Variants in SH3GL2 observed in about 807,000 individuals in gnomAD.
SH3GL2 encodes the protein endophilin-A1.
SH3GL2 carries 24 observed loss-of-function variants against 46.0 expected under a neutral mutation model. That is an observed-to-expected ratio of 0.52 (90% CI 0.38 to 0.73). The LOEUF is 0.73. Among genes scored for constraint, SH3GL2 ranks in the 30% least tolerant of loss-of-function variants. The pLI, the probability that SH3GL2 is intolerant of heterozygous loss-of-function variation, is 0.00. For missense variants in SH3GL2, 413 were observed against 424.2 expected (o/e 0.97, Z 0.23); for synonymous variants, 196 against 147.1 (o/e 1.33, Z -2.40).
chr9:17,733,139 C>G (rs979369870), intron 1 of SH3GL2, among the ~76,000 whole-genome samples: 1 of 152,118 alleles, frequency 6.6e-6, no homozygotes, highest in Admixed American at 6.6e-5. Flanking sequence ...CAGACCTCCT[C>G]TTTCCTACAA....
At chr9:17,728,417 C>G (rs1033989264) in intron 1 of SH3GL2, among the ~76,000 whole-genome samples, 12 of 151,980 alleles carry the variant, frequency 7.9e-5, no homozygotes, top group African/African-American at 2.9e-4. Context: ...CTAAAACCTT[C>G]TACTTACAGA....
chr9:17,733,260 A>T (rs527594472), intron 1 of SH3GL2, among the ~76,000 whole-genome samples: 10 of 151,586 alleles, frequency 6.6e-5, no homozygotes, highest in Admixed American at 1.3e-4. Context: ...CTTTTTTTAA[A>T]TTTTTTTTAT....
At chr9:17,653,657 A>G (rs1292641079) in intron 1 of SH3GL2, among the ~76,000 whole-genome samples, 1 of 152,158 alleles carries the variant, frequency 6.6e-6, no homozygotes, top group Admixed American at 6.6e-5. Flanking sequence ...AGGGCCTTTA[A>G]AAGGTGATTA....
chr9:17,762,400 A>T (rs1323495133), intron 3 of SH3GL2, among the ~76,000 whole-genome samples: 1,811 of 14,590 alleles, frequency 0.12, 37 homozygotes, highest in African/African-American at 0.28. Flanking sequence ...ACAAGTGATC[A>T]AAAAAAAAAA....
At chr9:17,717,459 A>G (rs1388102129) in intron 1 of SH3GL2, among the ~76,000 whole-genome samples, 4 of 151,244 alleles carry the variant, frequency 2.6e-5, no homozygotes, top group Non-Finnish European at 5.9e-5. Context: ...TTCCCAAGTC[A>G]TCTCCCAGAG....
At chr9:17,718,124 T>C (rs977666234) in intron 1 of SH3GL2, among the ~76,000 whole-genome samples, 3 of 152,162 alleles carry the variant, frequency 2.0e-5, no homozygotes, top group Non-Finnish European at 4.4e-5. Flanking sequence ...AGTAGGACTT[T>C]ACAACTCCAG....
Position 17,645,151 on chromosome 9 carries a change from C to CTTTTT in SH3GL2, c.45+65891_45+65895dup, listed in dbSNP as rs57611978. On this transcript the variant is annotated intron_variant, in intron 1 of 8. Transcript: ENST00000380607. ...TCAGAGACTAGGATTGCAAACGCTG[C>CTTTTT]TTTTTTTTTTTTTTTTTTTTTTTTT... is the stretch of plus-strand genomic sequence containing the variant. 2.3e-4 allele frequency among the ~76,000 whole-genome samples: 16 copies of CTTTTT among 68,776 alleles called. 2 individuals carry two copies. The highest frequency in any genetic ancestry group is 7.8e-4 in the African/African-American group (12 of 15,358). The allele number at this position is 68,776 out of a possible 152,430, so 45.1% of individuals were successfully genotyped here. A position where few individuals can be genotyped will look rare whatever the true frequency, so the allele number is the denominator to read the frequency against.
In SH3GL2 at chr9:17,651,743, G is replaced by C. The variant is rs73420520; in HGVS notation, c.45+72456G>C. On this transcript the variant is annotated intron_variant, in intron 1 of 8. Coordinates refer to ENST00000380607, the MANE Select transcript of SH3GL2 (RefSeq NM_003026.5). ...ATTTTTTTCCTTTTAGCACTTTAAA[G>C]ATGTTGTTTTCATATTTCCAATATT... 3.4e-3 allele frequency among the ~76,000 whole-genome samples: 516 copies of C among 152,222 alleles called. 2 individuals are homozygous for C. The highest frequency in any genetic ancestry group is 0.012 in the African/African-American group (497 of 41,556).
At chr9:17,757,011 T>C (rs543647515) in intron 2 of SH3GL2, among the ~76,000 whole-genome samples, 233 of 152,286 alleles carry the variant, frequency 1.5e-3, no homozygotes, top group African/African-American at 5.2e-3. Context: ...TTTTAATGAT[T>C]ACCATTCTAA....
Position 17,608,416 on chromosome 9 carries a change from C to T in SH3GL2, c.45+29129C>T, listed in dbSNP as rs377681695. Among the ~76,000 whole-genome samples the T allele has an allele frequency of 5.9e-5, 9 of 152,236 alleles. No homozygotes were observed. The East Asian group carries it at 9.7e-4, about 16-fold the overall frequency. On this transcript the variant is annotated intron_variant, in intron 1 of 8. Coordinates refer to ENST00000380607, the MANE Select transcript of SH3GL2 (RefSeq NM_003026.5). ...CCGCCTTGGCCTCCCAAAGTGTAAA[C>T]TTTCCTCTTAACGGTCAAATCTTAC...
At chr9:17,664,797 A>T (rs540776506) in intron 1 of SH3GL2, among the ~76,000 whole-genome samples, 10 of 151,946 alleles carry the variant, frequency 6.6e-5, no homozygotes, top group African/African-American at 2.4e-4. Flanking sequence ...TTTCTTTCCT[A>T]GCCCTTCTTT....
chr9:17,731,472 A>G (rs987205219), intron 1 of SH3GL2, among the ~76,000 whole-genome samples: 1 of 151,370 alleles, frequency 6.6e-6, no homozygotes, highest in African/African-American at 2.4e-5. Flanking sequence ...AGAGAGAGAG[A>G]GCATCTTTCT....
At chr9:17,622,246 A>G (rs774279784) in intron 1 of SH3GL2, among the ~76,000 whole-genome samples, 3 of 152,198 alleles carry the variant, frequency 2.0e-5, no homozygotes, top group Non-Finnish European at 2.9e-5. Flanking sequence ...TTGTCCACCC[A>G]TCTGCTTCAT....
intron 1 of SH3GL2, among the ~76,000 whole-genome samples, chr9:17,736,401 G>T (rs546710277): frequency 6.6e-6 from 1 of 152,180 alleles, no homozygotes; most frequent in African/African-American, 2.4e-5. Context: ...AGAAGTCAGT[G>T]ATTTTTCTGT....
At chr9:17,586,685 AG>A (rs1563772327) in intron 1 of SH3GL2, among the ~76,000 whole-genome samples, 1 of 152,138 alleles carries the variant, frequency 6.6e-6, no homozygotes, top group Admixed American at 6.5e-5. Context: ...GTGGGGTAAA[AG>A]CCCCTTATAA....
chr9:17,679,583 A>G (rs1396101783), intron 1 of SH3GL2, among the ~76,000 whole-genome samples: 1 of 152,148 alleles, frequency 6.6e-6, no homozygotes, highest in African/African-American at 2.4e-5. Context: ...AACAGGGACA[A>G]TTTGACTTCC....
At chr9:17,734,289 G>A (rs537297675) in intron 1 of SH3GL2, among the ~76,000 whole-genome samples, 1 of 152,184 alleles carries the variant, frequency 6.6e-6, no homozygotes, top group South Asian at 2.1e-4. Context: ...GAAGTTTACA[G>A]TCACCACATC....
chr9:17,595,709 G>A (rs929189520), intron 1 of SH3GL2, among the ~76,000 whole-genome samples: 6 of 152,030 alleles, frequency 3.9e-5, no homozygotes, highest in Non-Finnish European at 8.8e-5. Context: ...TTTATCTATA[G>A]GGCAATATTT....
rs369242105 is a variant in SH3GL2 at position 17,763,892 on chromosome 9, A to T, written c.187+2383A>T. ...CTCTGAGAAGGGTAGGCTCCATTTC[A>T]TTTAGGTGTGAAGGGTCCTTCCCTT... On this transcript the variant is annotated intron_variant, in intron 3 of 8. Transcript: ENST00000380607. Among the ~76,000 whole-genome samples, 23 of 152,252 alleles carry T rather than the reference A, an allele frequency of 1.5e-4. No homozygotes were observed. In the East Asian group the frequency reaches 1.9e-3, roughly 13 times the overall value.
Sources: gnomAD v4.1 joint callset for allele counts (sites outside exome capture counted in the v4.1 genomes callset) on GRCh38, gnomAD v4.1.1 for gene constraint, MANE v1.5 for transcripts, NCBI Gene and HGNC (gene_info 2026-07-23, HGNC 2026-07-21) for gene names.